PTPRD: variants seen among roughly 807,000 people sequenced by gnomAD.
The protein encoded by PTPRD is receptor-type tyrosine-protein phosphatase delta.
In PTPRD, 34 loss-of-function variants were observed where a neutral mutation model predicts 214.5. The ratio of observed to expected loss-of-function variants is 0.16; its 90% CI spans 0.12 to 0.21. PTPRD has a LOEUF of 0.21. Ranked by LOEUF, PTPRD falls within the 10% of genes least tolerant of loss-of-function variation. PTPRD has a pLI of 1.00. For synonymous variants in PTPRD, 1,128 were observed against 845.7 expected (o/e 1.33, Z -5.79); for missense variants, 2,545 against 2,398.7 (o/e 1.06, Z -1.27).
At chr9:10,403,893 A>T (rs1042105170) in intron 2 of PTPRD, among the ~76,000 whole-genome samples, 1 of 151,702 alleles carries the variant, frequency 6.6e-6, no homozygotes, top group East Asian at 2.0e-4. Flanking sequence ...GGGCACTAAA[A>T]ATACTCTGTA....
chr9:8,644,829 T>A (rs185284316), intron 12 of PTPRD, among the ~76,000 whole-genome samples: 1 of 152,308 alleles, frequency 6.6e-6, no homozygotes, highest in African/African-American at 2.4e-5. Context: ...CATGCCTGAC[T>A]CGCAGTCTCC....
chr9:8,399,994 T>C (rs553632223), intron 36 of PTPRD, among the ~76,000 whole-genome samples: 1 of 152,272 alleles, frequency 6.6e-6, no homozygotes, highest in African/African-American at 2.4e-5. Flanking sequence ...CGGCATGTAA[T>C]AGATAACCAG....
intron 4 of PTPRD, among the ~76,000 whole-genome samples, chr9:9,989,015 C>T (rs1228493038): frequency 8.9e-5 from 1 of 11,268 alleles, no homozygotes; most frequent in African/African-American, 3.2e-4. Context: ...GTTTCACTGA[C>T]CAAAAAAAAA....
intron 10 of PTPRD, among the ~76,000 whole-genome samples, chr9:9,115,226 T>C (rs184256582): frequency 4.6e-5 from 7 of 152,248 alleles, no homozygotes; most frequent in Non-Finnish European, 5.9e-5. Flanking sequence ...AGTTCAGAGA[T>C]TGGGGTATGT....
chr9:10,515,110 A>T (rs997886445), intron 2 of PTPRD, among the ~76,000 whole-genome samples: 9 of 151,982 alleles, frequency 5.9e-5, no homozygotes, highest in African/African-American at 2.2e-4. Context: ...CAATTTCTCA[A>T]TCTGTATCTA....
rs577864000 is a variant in PTPRD, at chr9:9,573,750, TCA to T, written c.-237+980_-237+981del. The stretch of plus-strand genomic sequence containing the variant: ...GTCCTCCTGGTAGAGCAGAGGAATT[TCA>T]CTTTCCTCCTATATGACACTTGTTT... On this transcript the variant is annotated intron_variant, in intron 8 of 45. Transcript: ENST00000381196. 1.7e-3 allele frequency among the ~76,000 whole-genome samples: 256 copies of T among 151,988 alleles called. 1 individual carries two copies. The highest frequency in any genetic ancestry group is 5.8e-3 in the African/African-American group (239 of 41,560).
chr9:10,406,613 G>C (rs1318997695), intron 2 of PTPRD, among the ~76,000 whole-genome samples: 1 of 151,456 alleles, frequency 6.6e-6, no homozygotes, highest in Non-Finnish European at 1.5e-5. Flanking sequence ...ACACATTGCT[G>C]GTGTGTAGAG....
chr9:10,255,909 C>T (rs2093227383), intron 3 of PTPRD, among the ~76,000 whole-genome samples: 1 of 152,182 alleles, frequency 6.6e-6, no homozygotes, highest in Non-Finnish European at 1.5e-5. Context: ...CGGACTGGTA[C>T]TGCTCTAGTA....
At chr9:8,432,531 G>A (rs1008120197) in intron 35 of PTPRD, among the ~76,000 whole-genome samples, 2 of 152,082 alleles carry the variant, frequency 1.3e-5, no homozygotes, top group East Asian at 1.9e-4. Context: ...AATTAGCTTC[G>A]TGCATCTTAC....
At chr9:8,512,175 A>T (rs1026553625) in intron 21 of PTPRD, among the ~76,000 whole-genome samples, 1 of 152,080 alleles carries the variant, frequency 6.6e-6, no homozygotes, top group Non-Finnish European at 1.5e-5. Flanking sequence ...GCATATTGAT[A>T]AATGATAATG....
intron 4 of PTPRD, among the ~76,000 whole-genome samples, chr9:9,970,572 C>T (rs2095039211): frequency 6.6e-6 from 1 of 152,066 alleles, no homozygotes; most frequent in Non-Finnish European, 1.5e-5. Context: ...AATTGTCCTC[C>T]TCCCCCCACA....
chr9:10,035,323 C>T (rs954681136), intron 3 of PTPRD, among the ~76,000 whole-genome samples: 1 of 151,846 alleles, frequency 6.6e-6, no homozygotes, highest in African/African-American at 2.4e-5. Context: ...GTTCCTTATA[C>T]ATACTGGATA....
At chr9:10,162,707 ACG>A (rs2099135728) in intron 3 of PTPRD, among the ~76,000 whole-genome samples, 3 of 146,816 alleles carry the variant, frequency 2.0e-5, no homozygotes, top group Non-Finnish European at 3.0e-5. Context: ...ATACATATAC[ACG>A]TATATATATA....
At chr9:8,917,808 C>T (rs1566988043) in intron 11 of PTPRD, among the ~76,000 whole-genome samples, 1 of 152,144 alleles carries the variant, frequency 6.6e-6, no homozygotes, top group East Asian at 1.9e-4. Context: ...TGGCATGATT[C>T]AGACCTCAAG....
Position 10,272,929 on chromosome 9 carries a change from A to G in PTPRD, c.-545+68034T>C, listed in dbSNP as rs868606224. On this transcript the variant is annotated intron_variant, in intron 3 of 45. Transcript: ENST00000381196. ...GGGGTGAGCAATTGAAATGTTGTCC[A>G]TCAGTATTCTGTCTCAATTCAGTAG... 2.6e-5 allele frequency among the ~76,000 whole-genome samples: 4 copies of G among 152,332 alleles called. 1 individual carries two copies. The Middle Eastern group carries it at 0.01, about 389-fold the overall frequency.
intron 7 of PTPRD, among the ~76,000 whole-genome samples, chr9:9,575,990 A>C (rs970547394): frequency 6.6e-6 from 1 of 152,198 alleles, no homozygotes; most frequent in South Asian, 2.1e-4. Flanking sequence ...TAGAAAATTC[A>C]TAAATGACTG....
chr9:8,691,390 T>C (rs953750801), intron 12 of PTPRD, among the ~76,000 whole-genome samples: 1 of 133,880 alleles, frequency 7.5e-6, no homozygotes, highest in Non-Finnish European at 1.5e-5. Context: ...GCTGTTCTTC[T>C]CTAGAGAAAA....
At chr9:9,169,394 G>GT (rs2099910277) in intron 10 of PTPRD, among the ~76,000 whole-genome samples, 1 of 152,050 alleles carries the variant, frequency 6.6e-6, no homozygotes, top group African/African-American at 2.4e-5. Flanking sequence ...TGAATAGACG[G>GT]TAAGTATTTG....
intron 35 of PTPRD, among the ~76,000 whole-genome samples, chr9:8,433,274 C>T (rs550910892): frequency 1.4e-4 from 22 of 152,272 alleles, no homozygotes; most frequent in African/African-American, 5.3e-4. Flanking sequence ...TATTCTGCTA[C>T]CAGTCACATA....
Sources: gnomAD v4.1 joint callset for allele counts (sites outside exome capture counted in the v4.1 genomes callset) on GRCh38, gnomAD v4.1.1 for gene constraint, MANE v1.5 for transcripts, NCBI Gene and HGNC (gene_info 2026-07-23, HGNC 2026-07-21) for gene names.